EDNRA: variants seen among roughly 807,000 people sequenced by gnomAD.
EDNRA encodes the protein endothelin-1 receptor.
In EDNRA, 11 loss-of-function variants were observed where a neutral mutation model predicts 41.4. The ratio of observed to expected loss-of-function variants is 0.27; its 90% confidence interval spans 0.17 to 0.44. The LOEUF (loss-of-function observed/expected upper bound fraction) is 0.44. EDNRA is among the 20% of genes least tolerant of loss of function. The pLI, the probability that EDNRA is intolerant of heterozygous loss-of-function variation, is 1.00. For synonymous variants in EDNRA, 172 were observed against 183.0 expected (o/e 0.94, Z 0.49); for missense variants, 294 against 531.0 (o/e 0.55, Z 4.39).
intron 1 of EDNRA, among the ~76,000 whole-genome samples, chr4:147,484,421 C>T (rs890846809): frequency 2.6e-5 from 4 of 152,192 alleles, no homozygotes; most frequent in African/African-American, 4.8e-5. Context: ...TAGTGGTTAA[C>T]AGCTCCGGCT....
At chr4:147,499,797 C>CT (rs58464606) in intron 2 of EDNRA, among the ~76,000 whole-genome samples, 6,338 of 85,372 alleles carry the variant, frequency 0.074, 644 homozygotes, top group African/African-American at 0.14. Context: ...CTCTAAAAGT[C>CT]TTTTTTTTTT....
At chr4:147,517,741 C>T (rs1237253806) in intron 2 of EDNRA, among the ~76,000 whole-genome samples, 1 of 152,048 alleles carries the variant, frequency 6.6e-6, no homozygotes, top group African/African-American at 2.4e-5. Context: ...TTTTTGCTTC[C>T]CACTGATTCC....
chr4:147,493,894 G>A (rs1013697941), intron 2 of EDNRA: 1 of 152,106 alleles, frequency 6.6e-6, no homozygotes, highest in South Asian at 2.1e-4. Context: ...TGGGGCTCAG[G>A]AGCCTAAAAT....
intron 3 of EDNRA, among the ~76,000 whole-genome samples, chr4:147,520,693 A>C (rs1397272375): frequency 2.0e-5 from 3 of 152,226 alleles, no homozygotes; most frequent in Non-Finnish European, 4.4e-5. Context: ...AATCTCACAC[A>C]AGTGGTGTAT....
In EDNRA at chr4:147,532,674, T is replaced by C; in HGVS notation, c.717T>C (p.Cys239=). The C allele has an allele frequency of 6.2e-7, 1 of 1,614,134 alleles. No individual in the cohort carries two copies. ...ATAGGGGTGAACAGCATAAAACCTG[T>C]ATGCTCAATGCCACATCAAAATTCA... is the stretch of plus-strand genomic sequence containing the variant. ...FEYRGEQHKT[C]MLNATSKFME... The change falls in exon 4 of 8, where the codon TGT becomes TGC. Residue 239 remains cysteine (C), a synonymous_variant. Transcript: ENST00000651419.
At chr4:147,505,679 C>G (rs1399166978) in intron 2 of EDNRA, among the ~76,000 whole-genome samples, 1 of 127,424 alleles carries the variant, frequency 7.8e-6, no homozygotes, top group Non-Finnish European at 1.6e-5. Context: ...GACAGAGTCT[C>G]AGTCTGTTGC....
At chr4:147,515,719 T>C (rs9999853) in intron 2 of EDNRA, among the ~76,000 whole-genome samples, 12,507 of 152,174 alleles carry the variant, frequency 0.082, 1,668 homozygotes, top group African/African-American at 0.28. Context: ...AGGTATGTTC[T>C]AGAAAACTAA....
At chr4:147,483,013 G>GA (rs1368263602) in intron 1 of EDNRA, among the ~76,000 whole-genome samples, 1 of 152,178 alleles carries the variant, frequency 6.6e-6, no homozygotes, top group Non-Finnish European at 1.5e-5. Flanking sequence ...CGTTAGTCAC[G>GA]AAACAGCACA....
In EDNRA at chr4:147,485,937, A is replaced by T. The variant is rs192190120; in HGVS notation, c.256A>T (p.Ile86Leu). 15 of 1,614,118 alleles carry T rather than the reference A, an allele frequency of 9.3e-6. No homozygotes were observed. The highest frequency in any genetic ancestry group is 2.7e-5 in the African/African-American group (2 of 74,938). The change falls in exon 2 of 8, where the codon ATA becomes TTA. Residue 86 changes from isoleucine (I) to leucine (L), a missense_variant. Physicochemically the swap from Ile to Leu is conservative, Grantham distance 5. Around this residue, in one of 3 missense-constraint regions of EDNRA, gnomAD observed 90 missense variants for 122.8 expected, o/e 0.73. Transcript: ENST00000651419. ...TSAFKYINTV[I>L]SCTIFIVGMV... The stretch of plus-strand genomic sequence containing the variant: ...AGCTTTCAAATACATTAACACTGTG[A>T]TATCTTGTACTATTTTCATCGTGGG...
intron 2 of EDNRA, among the ~76,000 whole-genome samples, chr4:147,508,634 T>G (rs1729813766): frequency 6.6e-6 from 1 of 152,248 alleles, no homozygotes; most frequent in African/African-American, 2.4e-5. Flanking sequence ...TAAATTTTTG[T>G]GTATGATATG....
intron 5 of EDNRA, among the ~76,000 whole-genome samples, chr4:147,538,442 G>A (rs1383648991): frequency 3.3e-5 from 5 of 152,208 alleles, no homozygotes; most frequent in African/African-American, 1.2e-4. Context: ...TGATGGTAAG[G>A]AAGACAGGAG....
At chr4:147,487,029 T>C (rs1041135062) in intron 2 of EDNRA, among the ~76,000 whole-genome samples, 2 of 151,870 alleles carry the variant, frequency 1.3e-5, no homozygotes, top group African/African-American at 2.4e-5. Flanking sequence ...CTTCCAAATA[T>C]GGCAGAGGGA....
intron 3 of EDNRA, among the ~76,000 whole-genome samples, chr4:147,527,404 G>A (rs1252850454): frequency 1.3e-5 from 2 of 152,094 alleles, no homozygotes; most frequent in Non-Finnish European, 2.9e-5. Context: ...ATTGATAAGG[G>A]CCACGCCCGT....
chr4:147,516,658 C>A (rs1388102321), intron 2 of EDNRA, among the ~76,000 whole-genome samples: 2 of 152,124 alleles, frequency 1.3e-5, no homozygotes, highest in African/African-American at 2.4e-5. Flanking sequence ...ATCTGAGGTG[C>A]CTGATTAACC....
chr4:147,531,842 T>TA (rs1394919325), intron 3 of EDNRA: 1 of 150,760 alleles, frequency 6.6e-6, no homozygotes, highest in Non-Finnish European at 1.5e-5. Flanking sequence ...CCATCTCTAC[T>TA]AAAAATACAA....
rs1025336652 is a variant in EDNRA, at chr4:147,515,026, C to T, written c.421-4825C>T. ...AGCCATCTGTGTTTCAATGAGCCCT[C>T]CAGGTGATTCTGCAGCTGCTAAGTC... On this transcript the variant is annotated intron_variant, in intron 2 of 7. Transcript: ENST00000651419. Among the ~76,000 whole-genome samples the T allele has an allele frequency of 1.1e-4, 17 of 152,294 alleles. No homozygotes were observed. The South Asian group carries it at 2.5e-3, about 22-fold the overall frequency.
chr4:147,505,169 A>G (rs1000410291), intron 2 of EDNRA, among the ~76,000 whole-genome samples: 1 of 149,620 alleles, frequency 6.7e-6, no homozygotes, highest in South Asian at 2.1e-4. Flanking sequence ...CCGCAGTGAG[A>G]TATCACTACA....
chr4:147,507,709 T>C (rs1241494110), intron 2 of EDNRA, among the ~76,000 whole-genome samples: 7 of 152,222 alleles, frequency 4.6e-5, no homozygotes, highest in Non-Finnish European at 1.0e-4. Flanking sequence ...GGAAATAAAA[T>C]AATATTGGTA....
intron 5 of EDNRA, among the ~76,000 whole-genome samples, chr4:147,536,305 G>A (rs1481835442): frequency 1.3e-5 from 2 of 152,052 alleles, no homozygotes; most frequent in East Asian, 3.8e-4. Flanking sequence ...ATGTGAGTTC[G>A]TGCATTCAAT....
Sources: allele counts gnomAD v4.1 joint callset (sites outside exome capture counted in the v4.1 genomes callset), GRCh38; gene constraint gnomAD v4.1.1; regional missense constraint gnomAD v4.1.1; transcripts MANE v1.5; gene names NCBI Gene and HGNC (gene_info 2026-07-23, HGNC 2026-07-21).